Variants in NAV1 observed in about 807,000 individuals in gnomAD.
NAV1 encodes neuron navigator 1.
In NAV1, 18 loss-of-function variants were observed where a neutral mutation model predicts 175.2. That is an observed-to-expected ratio of 0.10 (90% CI 0.07 to 0.15). The LOEUF (loss-of-function observed/expected upper bound fraction) is 0.15, where lower values mean the gene tolerates loss of function less well. Among genes scored for constraint, NAV1 ranks in the 10% least tolerant of loss-of-function variants. The pLI is 1.00. For synonymous variants in NAV1, 897 were observed against 978.7 expected, an observed-to-expected ratio of 0.92 and a Z score of 1.56; for missense variants, 1,731 against 2,436.6, an observed-to-expected ratio of 0.71 and a Z score of 6.10.
chr1:201,763,082 T>C (rs1469080671), intron 3 of NAV1, among the ~76,000 whole-genome samples: 1 of 152,178 alleles, frequency 6.6e-6, no homozygotes, highest in Non-Finnish European at 1.5e-5. Flanking sequence ...CAAAATAAGG[T>C]CACTCACATC....
intron 1 of NAV1, among the ~76,000 whole-genome samples, chr1:201,584,745 G>C (rs1383598444): frequency 6.6e-6 from 1 of 152,194 alleles, no homozygotes; most frequent in African/African-American, 2.4e-5. Context: ...GGCCAGTCCA[G>C]ATGCTCCACC....
intron 2 of NAV1, among the ~76,000 whole-genome samples, chr1:201,613,088 G>A (rs1031099180): frequency 1.3e-5 from 2 of 152,118 alleles, no homozygotes; most frequent in African/African-American, 4.8e-5. Flanking sequence ...TTCTGTCCGT[G>A]GCCTCTGGAC....
intron 1 of NAV1, among the ~76,000 whole-genome samples, chr1:201,544,698 C>T (rs1165027639): frequency 6.6e-6 from 1 of 152,174 alleles, no homozygotes; most frequent in Admixed American, 6.5e-5. Flanking sequence ...CAAAATGCAT[C>T]CCTGAATAAA....
chr1:201,574,369 T>C lies in NAV1; in HGVS notation c.-143-14170T>C, dbSNP rs74136646. ...GGAGCAGGTGGCATGAGAATTGGAC[T>C]TTACAGGATGATGGGTTTGGGTCGA... is the stretch of plus-strand genomic sequence containing the variant. On this transcript the variant is annotated intron_variant, in intron 1 of 33. Coordinates refer to the NAV1 transcript ENST00000685211. Among the ~76,000 whole-genome samples, 1,232 of 152,114 alleles carry C rather than the reference T, an allele frequency of 8.1e-3. 20 individuals are homozygous for C. Among genetic ancestry groups the C allele is most frequent in the African/African-American group, 0.028 (1,171 of 41,484 alleles).
At chr1:201,588,760 T>C (rs556870631) in intron 2 of NAV1, among the ~76,000 whole-genome samples, 111 bp downstream of exon 2, 1 of 152,278 alleles carries the variant, frequency 6.6e-6, no homozygotes, top group East Asian at 1.9e-4. Flanking sequence ...CTTTTGTTGA[T>C]GGTGAAAATG....
At chr1:201,697,124 T>C (rs1314143969) in intron 1 of NAV1, among the ~76,000 whole-genome samples, 3 of 152,144 alleles carry the variant, frequency 2.0e-5, no homozygotes, top group Non-Finnish European at 4.4e-5. Flanking sequence ...TTTCAATTGA[T>C]ACCCAAGCCC....
intron 2 of NAV1, among the ~76,000 whole-genome samples, chr1:201,590,279 C>A (rs914506675): frequency 1.3e-5 from 2 of 152,206 alleles, no homozygotes; most frequent in Admixed American, 6.5e-5. Context: ...CACTAGTAAG[C>A]GATGGGGTAG....
At chr1:201,619,665 T>C (rs988024094), upstream of NAV1, among the ~76,000 whole-genome samples, 3 of 152,248 alleles carry the variant, frequency 2.0e-5, no homozygotes, top group African/African-American at 7.2e-5. Context: ...GGGAGCTGGA[T>C]AGGCTTCATG....
At position 201,810,507 on chromosome 1, in the gene NAV1, TG is replaced by T; in HGVS notation, c.4562-12del. 3 of 1,597,040 alleles carry T rather than the reference TG, an allele frequency of 1.9e-6. No individual in the cohort carries two copies. Among genetic ancestry groups the T allele is most frequent in the Non-Finnish European group, 2.6e-6 (3 of 1,171,636 alleles). ...GACCCTGGTCAATACTCATGCTTTC[TG>T]GGGTGGGGGTTCAGGTCTGAAGGAG... On this transcript the variant is annotated splice_polypyrimidine_tract_variant and intron_variant, in intron 23 of 29. Transcript: ENST00000367296. The surrounding 1 kb of genome is among the most constrained non-coding windows in gnomAD (Gnocchi z 6.0).
chr1:201,653,480 T>C (rs193012327), intron 1 of NAV1, among the ~76,000 whole-genome samples: 85 of 151,686 alleles, frequency 5.6e-4, no homozygotes, highest in Non-Finnish European at 9.9e-4. Flanking sequence ...TCTAAGCCAG[T>C]TGATTGATGT....
chr1:201,720,995 C>A (rs1011646246), intron 3 of NAV1, among the ~76,000 whole-genome samples: 2 of 151,730 alleles, frequency 1.3e-5, no homozygotes, highest in African/African-American at 4.8e-5. Flanking sequence ...TAGGAAAGAC[C>A]CCCTTTATCC....
intron 1 of NAV1, among the ~76,000 whole-genome samples, chr1:201,580,986 A>T (rs866453406): frequency 7.2e-5 from 11 of 152,310 alleles, no homozygotes; most frequent in South Asian, 2.1e-4. Flanking sequence ...TAGAGGCATC[A>T]GACAACAGGA....
chr1:201,746,583 G>T (rs571727767), intron 3 of NAV1, among the ~76,000 whole-genome samples: 1 of 152,158 alleles, frequency 6.6e-6, no homozygotes, highest in African/African-American at 2.4e-5. Flanking sequence ...AACAGTAGCT[G>T]GAAATAGGAA....
chr1:201,591,375 G>A (rs1667187737), intron 2 of NAV1, among the ~76,000 whole-genome samples: 1 of 152,138 alleles, frequency 6.6e-6, no homozygotes, highest in South Asian at 2.1e-4. Context: ...GGGCCTCTTT[G>A]TCAAGAGGTG....
chr1:201,616,055 G>GA (rs60264656), intron 2 of NAV1, among the ~76,000 whole-genome samples: 47,777 of 151,730 alleles, frequency 0.31, 10,109 homozygotes, highest in African/African-American at 0.6. Flanking sequence ...AATACTTGTT[G>GA]GTCCTTACTA....
chr1:201,642,976 G>A (rs565249351), intron 2 of NAV1, among the ~76,000 whole-genome samples: 36 of 150,878 alleles, frequency 2.4e-4, no homozygotes, highest in South Asian at 6.2e-4. Flanking sequence ...GGGTTTCACC[G>A]TGTTAGCCAG....
At chr1:201,614,964 A>T (rs751729222) in intron 2 of NAV1, among the ~76,000 whole-genome samples, 4 of 152,234 alleles carry the variant, frequency 2.6e-5, no homozygotes, top group Non-Finnish European at 4.4e-5. Context: ...AGCAAATGCA[A>T]CTAAAAAGTG....
At chr1:201,665,132 C>T (rs1669762353) in intron 1 of NAV1, among the ~76,000 whole-genome samples, 1 of 152,176 alleles carries the variant, frequency 6.6e-6, no homozygotes, top group Non-Finnish European at 1.5e-5. Context: ...CATGGTTCTT[C>T]CTTCCCAACC....
chr1:201,712,927 C>T lies in NAV1; in HGVS notation c.860+8C>T, dbSNP rs769779610. ...GTCCCAGGTGACTCACAGGTAAGCT[C>T]GAGCTGCAGAGAGGGTCATGCCCTC... On this transcript the variant is annotated splice_region_variant and intron_variant, in intron 2 of 29. Transcript: ENST00000367296. The T allele has an allele frequency of 2.0e-5, 32 of 1,603,966 alleles. No homozygotes were observed. Among genetic ancestry groups the T allele is most frequent in the Middle Eastern group, 3.3e-4 (2 of 6,060 alleles).
Sources: allele counts gnomAD v4.1 joint callset (sites outside exome capture counted in the v4.1 genomes callset), GRCh38; gene constraint gnomAD v4.1.1; non-coding constraint Gnocchi (gnomAD v3.1); transcripts MANE v1.5; gene names NCBI Gene and HGNC (gene_info 2026-07-23, HGNC 2026-07-21).